Variants in SYNRG observed in about 807,000 individuals in gnomAD.
SYNRG encodes the protein synergin gamma, also known as AP1 gamma subunit binding protein 1.
In SYNRG, 37 loss-of-function variants were observed where a neutral mutation model predicts 130.9. The ratio of observed to expected loss-of-function variants is 0.28; its 90% CI spans 0.22 to 0.37. The LOEUF is 0.37. Among genes scored for constraint, SYNRG ranks in the 10% least tolerant of loss-of-function variants. SYNRG has a pLI of 1.00. For synonymous variants in SYNRG, 539 were observed against 568.1 expected, an observed-to-expected ratio of 0.95 and a Z score of 0.73; for missense variants, 1,338 against 1,588.9, an observed-to-expected ratio of 0.84 and a Z score of 2.68.
chr17:37,544,541 C>T (rs2058093080), intron 14 of SYNRG, among the ~76,000 whole-genome samples: 1 of 152,096 alleles, frequency 6.6e-6, no homozygotes, highest in African/African-American at 2.4e-5. Context: ...TCTTGAACTC[C>T]TGACTTCAGG....
intron 17 of SYNRG, 190 bp downstream of exon 17, chr17:37,539,002 C>T: frequency 1.0e-6 from 1 of 971,374 alleles, no homozygotes; most frequent in Non-Finnish European, 1.2e-6. Flanking sequence ...GACACATGAG[C>T]CGGTCTGCTA....
chr17:37,540,894 A>G, intron 15 of SYNRG: 1 of 1,012,064 alleles, frequency 9.9e-7, no homozygotes, highest in Non-Finnish European at 1.2e-6. Flanking sequence ...CTCCCCTCCC[A>G]AAGCGTTGAG....
chr17:37,544,033 C>T (rs1273854277), intron 14 of SYNRG, among the ~76,000 whole-genome samples: 4 of 152,370 alleles, frequency 2.6e-5, no homozygotes, highest in African/African-American at 4.8e-5. Flanking sequence ...CTTTCATTCA[C>T]AGCAATACTG....
chr17:37,518,757 G>A lies in SYNRG; in HGVS notation c.*183C>T. On this transcript the variant is annotated 3_prime_UTR_variant, in exon 22 of 22. Coordinates refer to ENST00000612223, the MANE Select transcript of SYNRG (RefSeq NM_007247.6). ...TCTGGTGCCACGTGCAGTTTGGGTG[G>A]GACAATTTTACCTGAAGTCCTGCAG... 1 of 681,676 alleles carries A rather than the reference G, an allele frequency of 1.5e-6. No homozygotes were observed. The highest frequency in any genetic ancestry group is 2.3e-6 in the Non-Finnish European group (1 of 428,936). The allele number at this position is 681,676 out of a possible 1,614,324, so 42.2% of individuals were successfully genotyped here. A position where few individuals can be genotyped will look rare whatever the true frequency, so the allele number is the denominator to read the frequency against.
chr17:37,608,182 G>A (rs980345111), intron 1 of SYNRG, among the ~76,000 whole-genome samples: 2 of 150,076 alleles, frequency 1.3e-5, no homozygotes, highest in African/African-American at 5.1e-5. Flanking sequence ...GTTACACACA[G>A]GTGGTTTATT....
chr17:37,522,536 TG>T (rs2055231054), intron 19 of SYNRG, among the ~76,000 whole-genome samples: 1 of 151,828 alleles, frequency 6.6e-6, no homozygotes, highest in Admixed American at 6.6e-5. Context: ...GGTGTCATCT[TG>T]GCTCACTGCA....
At chr17:37,545,498 C>T (rs887821482) in intron 14 of SYNRG, among the ~76,000 whole-genome samples, 1 of 152,142 alleles carries the variant, frequency 6.6e-6, no homozygotes. Flanking sequence ...ATAAAAAGAT[C>T]TTTCTGTGCA....
intron 11 of SYNRG, among the ~76,000 whole-genome samples, chr17:37,563,608 G>A (rs1420058682): frequency 6.6e-6 from 1 of 152,022 alleles, no homozygotes; most frequent in African/African-American, 2.4e-5. Flanking sequence ...GCACACTGCA[G>A]TTTCGACCTC....
intron 19 of SYNRG, among the ~76,000 whole-genome samples, chr17:37,533,732 C>A (rs960215493): frequency 2.7e-5 from 4 of 150,606 alleles, no homozygotes; most frequent in Admixed American, 6.6e-5. Flanking sequence ...GGATTACAGG[C>A]ATGCACCACC....
Position 37,572,056 on chromosome 17 carries a change from G to C in SYNRG, c.902-69C>G, listed in dbSNP as rs1303410232. The stretch of plus-strand genomic sequence containing the variant: ...GTGATTTATTTTTTGGGATGCCATT[G>C]TTGGTATACAAGAATAATCTTCAAC... On this transcript the variant is annotated intron_variant, in intron 8 of 21. Transcript: ENST00000612223. The C allele has an allele frequency of 3.0e-6, 4 of 1,325,492 alleles. No individual in the cohort carries two copies. In the African/African-American group the frequency reaches 5.9e-5, roughly 20 times the overall value. The allele number at this position is 1,325,492 out of a possible 1,614,324, so 82.1% of individuals were successfully genotyped here.
intron 11 of SYNRG, chr17:37,567,297 T>C (rs1263711756): frequency 6.6e-6 from 1 of 152,098 alleles, no homozygotes; most frequent in African/African-American, 2.4e-5. Flanking sequence ...CCAAAGTAAA[T>C]AGCATGCTTT....
chr17:37,523,753 G>T (rs1417698639), intron 19 of SYNRG, among the ~76,000 whole-genome samples: 1 of 152,178 alleles, frequency 6.6e-6, no homozygotes, highest in Non-Finnish European at 1.5e-5. Flanking sequence ...GGTCAAGGTG[G>T]GGGGAGAAGG....
At chr17:37,536,284 G>T in intron 18 of SYNRG, 157 bp from the exon 19 acceptor site, 1 of 886,020 alleles carries the variant, frequency 1.1e-6, no homozygotes, top group Non-Finnish European at 1.7e-6. Context: ...ACTTCTCAAT[G>T]CTGCTGTATA....
At chr17:37,591,149 CAT>C (rs1309631476) in intron 3 of SYNRG, among the ~76,000 whole-genome samples, 2 of 152,116 alleles carry the variant, frequency 1.3e-5, no homozygotes, top group Non-Finnish European at 2.9e-5. Flanking sequence ...ATAAAACAAA[CAT>C]AAACAATCAA....
In SYNRG at chr17:37,570,944, T is replaced by C. The variant is rs559633614; in HGVS notation, c.1099-59A>G. ...TTGTAAACCACATACGGTCGAAATC[T>C]GGCAGAGACCGAAAGGTAAAAAAAT... On this transcript the variant is annotated intron_variant, in intron 9 of 21. Coordinates refer to ENST00000612223, the MANE Select transcript of SYNRG (RefSeq NM_007247.6). 1.0e-4 allele frequency: 160 copies of C among 1,535,982 alleles called. No individual in the cohort carries two copies. The South Asian group carries it at 1.1e-3, about 11-fold the overall frequency.
Position 37,517,464 on chromosome 17 carries a change from G to A in SYNRG, c.*1476C>T, listed in dbSNP as rs2054515039. 1 of 151,862 alleles carries A rather than the reference G, an allele frequency of 6.6e-6. No homozygotes were observed. The highest frequency in any genetic ancestry group is 1.5e-5 in the Non-Finnish European group (1 of 67,996). The allele number at this position is 151,862 out of a possible 1,614,324, so 9.4% of individuals were successfully genotyped here. On this transcript the variant is annotated 3_prime_UTR_variant, in exon 22 of 22. Coordinates refer to ENST00000612223, the MANE Select transcript of SYNRG (RefSeq NM_007247.6). Reference sequence around the variant, plus strand: ...GTATCATCGGGAGCGAGTGAGAAAAGCCTTTCTCTCCTCGGTGCCTCTCTG... The same window carrying A: ...GTATCATCGGGAGCGAGTGAGAAAAACCTTTCTCTCCTCGGTGCCTCTCTG...
At chr17:37,574,410 C>G (rs893929028) in intron 8 of SYNRG, among the ~76,000 whole-genome samples, 2 of 152,142 alleles carry the variant, frequency 1.3e-5, no homozygotes, top group Non-Finnish European at 2.9e-5. Flanking sequence ...CAAATGGGAT[C>G]ACATCAAGTT....
Position 37,592,491 on chromosome 17 carries a change from T to C in SYNRG, c.240+3732A>G, listed in dbSNP as rs578034351. On this transcript the variant is annotated intron_variant, in intron 3 of 21. Transcript: ENST00000612223. Reference sequence around the variant, plus strand: ...ATATGTTCACGCAAAAACCTTTATTTGTAATAGCCAAAAATTGTAAACAAC... The same window carrying C: ...ATATGTTCACGCAAAAACCTTTATTCGTAATAGCCAAAAATTGTAAACAAC... 3.9e-5 allele frequency among the ~76,000 whole-genome samples: 6 copies of C among 152,324 alleles called. No individual in the cohort carries two copies. The South Asian group carries it at 1.2e-3, about 32-fold the overall frequency.
At chr17:37,534,459 A>T (rs2056996180) in intron 19 of SYNRG, among the ~76,000 whole-genome samples, 1 of 152,132 alleles carries the variant, frequency 6.6e-6, no homozygotes, top group African/African-American at 2.4e-5. Flanking sequence ...TCCTGGGCTC[A>T]GGTGATCCGC....
Sources: gnomAD v4.1 joint callset for allele counts (sites outside exome capture counted in the v4.1 genomes callset) on GRCh38, gnomAD v4.1.1 for gene constraint, MANE v1.5 for transcripts, NCBI Gene and HGNC (gene_info 2026-07-23, HGNC 2026-07-21) for gene names.